Variants in LSAMP observed in about 807,000 individuals in gnomAD.
The protein encoded by LSAMP is limbic system associated membrane protein.
A neutral mutation model predicts 38.6 loss-of-function variants in LSAMP; 7 were observed. The ratio of observed to expected loss-of-function variants is 0.18; its 90% CI spans 0.10 to 0.34. The LOEUF (loss-of-function observed/expected upper bound fraction) is 0.34, where lower values mean the gene tolerates loss of function less well. LSAMP is among the 10% of genes least tolerant of loss of function. The pLI, the probability that LSAMP is intolerant of heterozygous loss-of-function variation, is 1.00. For missense variants in LSAMP, 313 were observed against 420.0 expected (o/e 0.75, Z 2.23); for synonymous variants, 154 against 166.8 (o/e 0.92, Z 0.59).
At chr3:116,015,874 T>C (rs901156445) in intron 3 of LSAMP, among the ~76,000 whole-genome samples, 1 of 152,160 alleles carries the variant, frequency 6.6e-6, no homozygotes, top group Non-Finnish European at 1.5e-5. Context: ...AATCAGGTAT[T>C]GTGAACCCTG....
At chr3:116,194,813 T>C (rs912331771) in intron 1 of LSAMP, among the ~76,000 whole-genome samples, 2 of 152,318 alleles carry the variant, frequency 1.3e-5, no homozygotes, top group East Asian at 3.9e-4. Context: ...CTTATTAAGA[T>C]GATCAGAGAC....
At chr3:116,116,700 A>C (rs1211312494) in intron 1 of LSAMP, among the ~76,000 whole-genome samples, 1 of 151,788 alleles carries the variant, frequency 6.6e-6, no homozygotes, top group Non-Finnish European at 1.5e-5. Context: ...CTGGCAACAG[A>C]GCGAGATTCC....
At chr3:116,209,271 G>A (rs967810086) in intron 1 of LSAMP, among the ~76,000 whole-genome samples, 16 of 152,160 alleles carry the variant, frequency 1.1e-4, no homozygotes, top group South Asian at 8.3e-4. Context: ...CGCACGGTGC[G>A]CGCACCCACT....
rs116413557 is a variant in LSAMP at position 116,099,202 on chromosome 3, C to T, written c.156-12646G>A. On this transcript the variant is annotated intron_variant, in intron 1 of 6. Coordinates refer to ENST00000490035, the MANE Select transcript of LSAMP (RefSeq NM_002338.5). ...CACACTCTGAATTCTACGAAGAGCC[C>T]TATGATTCAAAAGTACCATCTCTTT... 2.5e-3 allele frequency among the ~76,000 whole-genome samples: 386 copies of T among 152,290 alleles called. 1 individual carries two copies. Among genetic ancestry groups the T allele is most frequent in the African/African-American group, 8.9e-3 (371 of 41,570 alleles).
chr3:116,115,809 C>T (rs1295865099), intron 1 of LSAMP, among the ~76,000 whole-genome samples: 1 of 151,912 alleles, frequency 6.6e-6, no homozygotes, highest in African/African-American at 2.4e-5. Context: ...GATTTCTGGT[C>T]CTTTGAGTAT....
At chr3:116,025,956 C>G (rs1315190873) in intron 2 of LSAMP, among the ~76,000 whole-genome samples, 1 of 152,028 alleles carries the variant, frequency 6.6e-6, no homozygotes. Flanking sequence ...ACATTTCTTT[C>G]TTTTGTTTTT....
chr3:116,296,205 T>C (rs890309381), intron 1 of LSAMP, among the ~76,000 whole-genome samples: 4 of 152,186 alleles, frequency 2.6e-5, no homozygotes, highest in African/African-American at 9.7e-5. Context: ...TTAGCTGTAT[T>C]GAACAGGACA....
At chr3:116,123,664 A>C (rs2107491617) in intron 1 of LSAMP, among the ~76,000 whole-genome samples, 1 of 152,342 alleles carries the variant, frequency 6.6e-6, no homozygotes, top group South Asian at 2.1e-4. Context: ...AAGGGTATCC[A>C]TGATGCTAGG....
intron 3 of LSAMP, among the ~76,000 whole-genome samples, chr3:115,912,052 C>T (rs1200800287): frequency 6.6e-6 from 1 of 152,136 alleles, no homozygotes; most frequent in Non-Finnish European, 1.5e-5. Context: ...GTCCTTTATA[C>T]ATTCTAGCTA....
chr3:116,160,336 A>T (rs1355849648), intron 1 of LSAMP, among the ~76,000 whole-genome samples: 1 of 145,610 alleles, frequency 6.9e-6, no homozygotes, highest in Non-Finnish European at 1.5e-5. Flanking sequence ...GAGGCGGAGG[A>T]TGCAGTGAGC....
intron 1 of LSAMP, among the ~76,000 whole-genome samples, chr3:116,187,236 T>A (rs146126477): frequency 6.6e-6 from 1 of 152,248 alleles, no homozygotes; most frequent in Non-Finnish European, 1.5e-5. Context: ...AATGAAAAAG[T>A]GGACTGGCTC....
chr3:115,984,130 G>T (rs1351157440), intron 3 of LSAMP, among the ~76,000 whole-genome samples: 1 of 152,048 alleles, frequency 6.6e-6, no homozygotes, highest in Non-Finnish European at 1.5e-5. Context: ...TCACAGCTTA[G>T]AATCAAGCTG....
intron 3 of LSAMP, among the ~76,000 whole-genome samples, chr3:115,939,530 C>CCCTTTCTTTCTT (rs1553751052): frequency 3.7e-4 from 37 of 99,620 alleles, no homozygotes; most frequent in Non-Finnish European, 4.9e-4. Flanking sequence ...TGTTCTCTTT[C>CCCTTTCTTTCTT]TCTTTCTTTC....
intron 4 of LSAMP, among the ~76,000 whole-genome samples, chr3:115,843,513 T>A (rs1256289523): frequency 6.6e-6 from 1 of 152,216 alleles, no homozygotes; most frequent in Non-Finnish European, 1.5e-5. Context: ...CCAAAGGTTG[T>A]TTGCCAGAAA....
At chr3:115,964,654 C>A (rs1938738708) in intron 3 of LSAMP, among the ~76,000 whole-genome samples, 1 of 151,990 alleles carries the variant, frequency 6.6e-6, no homozygotes, top group African/African-American at 2.4e-5. Flanking sequence ...ACAAAAAATT[C>A]CATACATTTT....
At chr3:115,996,554 A>T (rs1250071765) in intron 3 of LSAMP, among the ~76,000 whole-genome samples, 1 of 152,300 alleles carries the variant, frequency 6.6e-6, no homozygotes, top group African/African-American at 2.4e-5. Context: ...ATGTAAATTC[A>T]AAATGGGAAA....
intron 1 of LSAMP, among the ~76,000 whole-genome samples, chr3:116,359,141 T>C (rs1035639372): frequency 1.3e-5 from 2 of 152,260 alleles, no homozygotes; most frequent in African/African-American, 4.8e-5. Flanking sequence ...GAACAGAGTT[T>C]ATGATACATA....
chr3:115,997,994 G>A lies in LSAMP; in HGVS notation c.514+21521C>T, dbSNP rs896194285. Reference sequence around the variant, plus strand: ...CTATATATCGTGTGTGTGATATGGGGCTTTTCTGTGCATTGTAATTTCAGC... The same window carrying A: ...CTATATATCGTGTGTGTGATATGGGACTTTTCTGTGCATTGTAATTTCAGC... On this transcript the variant is annotated intron_variant, in intron 3 of 6. Transcript: ENST00000490035. 4.0e-5 allele frequency among the ~76,000 whole-genome samples: 6 copies of A among 149,112 alleles called. No individual in the cohort carries two copies. In the Admixed American group the frequency reaches 4.1e-4, roughly 10 times the overall value.
At position 116,249,112 on chromosome 3, in the gene LSAMP, G is replaced by A. The variant is rs1213431786; in HGVS notation, c.156-162556C>T. On this transcript the variant is annotated intron_variant, in intron 1 of 6. Coordinates refer to ENST00000490035, the MANE Select transcript of LSAMP (RefSeq NM_002338.5). ...TGCAGTGGGCCAAGATCGCGCCACT[G>A]CACTCCAGCCTGGGTGACAGAGCGA... Among the ~76,000 whole-genome samples, 11 of 145,104 alleles carry A rather than the reference G, an allele frequency of 7.6e-5. No individual in the cohort carries two copies. The South Asian group carries it at 2.5e-3, about 33-fold the overall frequency.
Sources: allele counts gnomAD v4.1 joint callset (sites outside exome capture counted in the v4.1 genomes callset), GRCh38; gene constraint gnomAD v4.1.1; transcripts MANE v1.5; gene names NCBI Gene and HGNC (gene_info 2026-07-23, HGNC 2026-07-21).